Variants in DCHS1 observed in about 807,000 individuals in gnomAD.
DCHS1 encodes the protein protocadherin-16.
In DCHS1, 78 loss-of-function variants were observed where a neutral mutation model predicts 213.9. That is an observed-to-expected ratio of 0.36 (90% CI 0.30 to 0.44). The LOEUF (loss-of-function observed/expected upper bound fraction) is 0.44, where lower values mean the gene tolerates loss of function less well. DCHS1 is among the 20% of genes least tolerant of loss of function. The pLI is 1.00. For missense variants in DCHS1, 3,946 were observed against 4,395.9 expected, an observed-to-expected ratio of 0.90 and a Z score of 2.89; for synonymous variants, 1,828 against 1,873.7, an observed-to-expected ratio of 0.98 and a Z score of 0.63.
In DCHS1 at chr11:6,628,345, G is replaced by C. The variant is rs963743999; in HGVS notation, c.5371+276C>G. Among the ~76,000 whole-genome samples, 1 of 152,264 alleles carries C rather than the reference G, an allele frequency of 6.6e-6. No homozygotes were observed. Among genetic ancestry groups the C allele is most frequent in the South Asian group, 2.1e-4 (1 of 4,824 alleles). On this transcript the variant is annotated intron_variant, in intron 13 of 20. Transcript: ENST00000299441. The surrounding 1 kb of genome is among the most constrained non-coding windows in gnomAD (Gnocchi z 4.3). ...GGTTCTCAAAAATTAAGAGTGTTAA[G>C]GGTTTTTGAGACCAAAAATTTGAGA... is the stretch of plus-strand genomic sequence containing the variant.
rs750109881 is a variant in DCHS1 at position 6,626,221 on chromosome 11, T to C, written c.6524A>G (p.His2175Arg). ...GGACTCAGGAAGGAAGGCCACATAA[T>C]GGGGCCGCAGGAAACGGGGAGCATT... Reference protein sequence around the residue: ...NDNAPRFLRPHYVAFLPESRP... With the variant: ...NDNAPRFLRPRYVAFLPESRP... Residue 2175 changes from histidine to arginine, a missense_variant, in exon 16 of 21, where the codon CAT becomes CGT. Around this residue, in one of 3 missense-constraint regions of DCHS1, gnomAD observed 3,384 missense variants for 3,780.1 expected, o/e 0.90. Coordinates refer to ENST00000299441, the MANE Select transcript of DCHS1 (RefSeq NM_003737.4). This position sits in a 1 kb window ranked among gnomAD's most constrained non-coding sequence, Gnocchi z 5.2. The C allele has an allele frequency of 4.3e-6, 7 of 1,611,670 alleles. No homozygotes were observed. In the South Asian group the frequency reaches 6.6e-5, roughly 15 times the overall value.
At chr11:6,654,773 T>A (rs1589965865) in intron 1 of DCHS1, among the ~76,000 whole-genome samples, 1 of 152,114 alleles carries the variant, frequency 6.6e-6, no homozygotes, top group Non-Finnish European at 1.5e-5. Flanking sequence ...GAAGTTGACA[T>A]AAGCGACAAT....
rs1310113343 is a variant in DCHS1, at chr11:6,640,131, C to A, written c.1483G>T (p.Val495Leu). 1 of 1,613,680 alleles carries A rather than the reference C, an allele frequency of 6.2e-7. No individual in the cohort carries two copies. Among genetic ancestry groups the A allele is most frequent in the Non-Finnish European group, 8.5e-7 (1 of 1,179,754 alleles). ...VALPGSFVVR[V>L]TARDPDQGTN... ...CCTTGGTCAGGATCCCGAGCAGTCACCCGCACTACAAAGCTGCCAGGCAGC... is the reference window on the plus strand; with the variant it reads ...CCTTGGTCAGGATCCCGAGCAGTCAACCGCACTACAAAGCTGCCAGGCAGC... The change falls in exon 2 of 21, where the codon GTG becomes TTG. Residue 495 changes from valine (V) to leucine (L), a missense_variant. Physicochemically the swap from Val to Leu is conservative, Grantham distance 32. Coordinates refer to ENST00000299441, the MANE Select transcript of DCHS1 (RefSeq NM_003737.4). The surrounding 1 kb of genome is among the most constrained non-coding windows in gnomAD (Gnocchi z 6.5).
chr11:6,624,224 C>T lies in DCHS1; in HGVS notation c.7452G>A (p.Leu2484=), dbSNP rs770679962. The change falls in exon 21 of 21, where the codon TTG becomes TTA. Residue 2484 remains leucine, a synonymous_variant. Coordinates refer to ENST00000299441, the MANE Select transcript of DCHS1 (RefSeq NM_003737.4). Reference sequence around the variant, plus strand: ...CAGTCACAGCCACACGGTAGTGTGACAATGTGAAGCTCGGGGCGTGGTCGT... The same window carrying T: ...CAGTCACAGCCACACGGTAGTGTGATAATGTGAAGCTCGGGGCGTGGTCGT... ...DQNDHAPSFT[L]SHYRVAVTED... is the part of the protein sequence containing the mutation. 60 of 1,613,168 alleles carry T rather than the reference C, an allele frequency of 3.7e-5. No homozygotes were observed. Among genetic ancestry groups the T allele is most frequent in the African/African-American group, 6.7e-5 (5 of 74,940 alleles).
At position 6,629,700 on chromosome 11, in the gene DCHS1, G is replaced by A; in HGVS notation, c.5007C>T (p.Leu1669=). The A allele has an allele frequency of 2.5e-6, 4 of 1,613,766 alleles. No homozygotes were observed. The highest frequency in any genetic ancestry group is 1.6e-4 in the Middle Eastern group (1 of 6,062). The change falls in exon 11 of 21, where the codon CTC becomes CTT. Residue 1669 remains leucine (L), a synonymous_variant. Coordinates refer to ENST00000299441, the MANE Select transcript of DCHS1 (RefSeq NM_003737.4). Reference sequence around the variant, plus strand: ...CGTCGGGGTCGGTTGCTCGCAGGGTGAGCAGAGATGTGCCAGGAGGGTTGT... The same window carrying A: ...CGTCGGGGTCGGTTGCTCGCAGGGTAAGCAGAGATGTGCCAGGAGGGTTGT... ...RENNPPGTSL[L]TLRATDPDVG... is the part of the protein sequence containing the mutation.
intron 5 of DCHS1, 74 bp downstream of exon 5, chr11:6,633,338 T>C (rs1481389631): frequency 1.4e-6 from 2 of 1,428,028 alleles, no homozygotes; most frequent in East Asian, 2.5e-5. Flanking sequence ...CTCTAAGGTA[T>C]CTTCGGATGG....
rs776735537 is a variant in DCHS1 at position 6,627,709 on chromosome 11, G to A, written c.5372-42C>T. On this transcript the variant is annotated intron_variant, in intron 13 of 20. Transcript: ENST00000299441. This position sits in a 1 kb window ranked among gnomAD's most constrained non-coding sequence, Gnocchi z 5.4. ...GCACATATAAATATACATGTGTCGTGGGGATGGGGGTGATTTACAGACAAC... is the reference window on the plus strand; with the variant it reads ...GCACATATAAATATACATGTGTCGTAGGGATGGGGGTGATTTACAGACAAC... 3.8e-6 allele frequency: 6 copies of A among 1,574,806 alleles called. No individual in the cohort carries two copies. The highest frequency in any genetic ancestry group is 1.1e-5 in the South Asian group (1 of 87,102).
intron 1 of DCHS1, among the ~76,000 whole-genome samples, chr11:6,647,885 G>T (rs916282295): frequency 6.6e-6 from 1 of 152,172 alleles, no homozygotes; most frequent in Non-Finnish European, 1.5e-5. Flanking sequence ...GAGGCCTCTG[G>T]GAGAGTCCAG....
In DCHS1 at chr11:6,624,242, G is replaced by A. The variant is rs764179963; in HGVS notation, c.7434C>T (p.His2478=). The A allele has an allele frequency of 1.5e-5, 24 of 1,612,616 alleles. No individual in the cohort carries two copies. Among genetic ancestry groups the A allele is most frequent in the African/African-American group, 4.0e-5 (3 of 74,942 alleles). ...AGTGTGACAATGTGAAGCTCGGGGC[G>A]TGGTCGTTCTGGTCCTGCAGCTGCA... The part of the protein sequence containing the change: ...VHVQLQDQND[H]APSFTLSHYR... The change falls in exon 21 of 21, where the codon CAC becomes CAT. Residue 2478 remains histidine, a synonymous_variant. Coordinates refer to ENST00000299441, the MANE Select transcript of DCHS1 (RefSeq NM_003737.4).
At chr11:6,655,442 C>T (rs1030211452) in intron 1 of DCHS1, 121 bp downstream of exon 1, 61 of 645,920 alleles carry the variant, frequency 9.4e-5, no homozygotes, top group East Asian at 8.2e-4. Flanking sequence ...CAGGCCCCCC[C>T]TCCCCCATTG....
rs1365986383 is a variant in DCHS1, at chr11:6,623,565, G to A, written c.8111C>T (p.Pro2704Leu). The A allele has an allele frequency of 6.2e-7, 1 of 1,613,226 alleles. No individual in the cohort carries two copies. Among genetic ancestry groups the A allele is most frequent in the Admixed American group, 1.7e-5 (1 of 59,896 alleles). ...IEVQDVNDHGPAFPLNLLSTS... is the reference protein window; with the variant it reads ...IEVQDVNDHGLAFPLNLLSTS... ...GCTGAGTAAGTTCAGTGGGAAGGCT[G>A]GGCCATGATCATTCACATCCTGGAC... The change falls in exon 21 of 21, where the codon CCA becomes CTA. Residue 2704 changes from proline to leucine, a missense_variant. Physicochemically the swap from Pro to Leu is moderately conservative, Grantham distance 98 (BLOSUM62 -3). Transcript: ENST00000299441.
rs1404799620 is a variant in DCHS1, at chr11:6,622,049, G to A, written c.9627C>T (p.Ala3209=). 1 of 1,612,696 alleles carries A rather than the reference G, an allele frequency of 6.2e-7. No homozygotes were observed. The highest frequency in any genetic ancestry group is 1.7e-5 in the Admixed American group (1 of 59,990). The change falls in exon 21 of 21, where the codon GCC becomes GCT. Residue 3209 remains alanine, a synonymous_variant. Transcript: ENST00000299441. This position sits in a 1 kb window ranked among gnomAD's most constrained non-coding sequence, Gnocchi z 5.4. Reference sequence around the variant, plus strand: ...GGGGCACAGACTTGGCTCCTGGGTGGGCCACGGCAGTGATGAGGGGTGGTG... The same window carrying A: ...GGGGCACAGACTTGGCTCCTGGGTGAGCCACGGCAGTGATGAGGGGTGGTG... The part of the protein sequence containing the change: ...IDPPPLITAV[A]HPGAKSVPPK...
intron 4 of DCHS1, 31 bp downstream of exon 4, chr11:6,633,758 G>C: frequency 6.2e-7 from 1 of 1,605,758 alleles, no homozygotes. Flanking sequence ...GGGGACCTGG[G>C]GGAAGGCCCC....
At position 6,626,300 on chromosome 11, in the gene DCHS1, C is replaced by G. The variant is rs1375610244; in HGVS notation, c.6445G>C (p.Gly2149Arg). Residue 2149 changes from glycine (G) to arginine (R), a missense_variant, in exon 16 of 21, where the codon GGA (glycine) becomes CGA (arginine). By Grantham distance (125) the Gly-to-Arg change is moderately radical. This residue lies in a region of DCHS1 where 3,384 missense variants were observed against 3,780.1 expected (regional missense o/e 0.90). Coordinates refer to ENST00000299441, the MANE Select transcript of DCHS1 (RefSeq NM_003737.4). This position sits in a 1 kb window ranked among gnomAD's most constrained non-coding sequence, Gnocchi z 5.2. ...RLRLVLQAES[G>R]GAFAFTVLTL... ...AGCACAGTGAAGGCAAAGGCTCCTC[C>G]ACTCTCTGCCTGCAGCACCAGTCGC... 1 of 1,613,388 alleles carries G rather than the reference C, an allele frequency of 6.2e-7. No individual in the cohort carries two copies. Among genetic ancestry groups the G allele is most frequent in the Non-Finnish European group, 8.5e-7 (1 of 1,179,648 alleles).
rs752837087 is a variant in DCHS1, at chr11:6,632,535, T to C, written c.2977A>G (p.Thr993Ala). Reference sequence around the variant, plus strand: ...TTGAATCGGGGAGCCAGCCCACGGGTTCCCACATCCTGTACCACCACCCGT... The same window carrying C: ...TTGAATCGGGGAGCCAGCCCACGGGCTCCCACATCCTGTACCACCACCCGT... ...RLRVVVQDVG[T>A]RGLAPRFNSP... The change falls in exon 6 of 21, where the codon ACC becomes GCC. Residue 993 changes from threonine to alanine, a missense_variant. Thr to Ala is a moderately conservative substitution (Grantham distance 58). Coordinates refer to ENST00000299441, the MANE Select transcript of DCHS1 (RefSeq NM_003737.4). This position sits in a 1 kb window ranked among gnomAD's most constrained non-coding sequence, Gnocchi z 5.9. 4.6e-6 allele frequency: 7 copies of C among 1,532,704 alleles called. No homozygotes were observed. In the Admixed American group the frequency reaches 1.4e-4, roughly 30 times the overall value. The allele number at this position is 1,532,704 out of a possible 1,614,324, so 94.9% of individuals were successfully genotyped here.
In DCHS1 at chr11:6,634,316, G is replaced by A. The variant is rs577182515; in HGVS notation, c.1798-10C>T. The A allele has an allele frequency of 8.1e-5, 128 of 1,577,210 alleles. 1 individual carries two copies. In the South Asian group the frequency reaches 1.3e-3, roughly 16 times the overall value. On this transcript the variant is annotated splice_polypyrimidine_tract_variant and intron_variant, in intron 2 of 20. Coordinates refer to ENST00000299441, the MANE Select transcript of DCHS1 (RefSeq NM_003737.4). ...CGTCTGTGGCTGTCACCTAGGGAGA[G>A]GCTGGGGTGAGTGGTGTCCCCTCTT...
chr11:6,621,730 G>C lies in DCHS1; in HGVS notation c.*49C>G. ...AGGGCAGGCTCAGAGTGGGGCCTGCGTTGGGGACACTGTGCGCATCCCAGG... is the reference window on the plus strand; with the variant it reads ...AGGGCAGGCTCAGAGTGGGGCCTGCCTTGGGGACACTGTGCGCATCCCAGG... On this transcript the variant is annotated 3_prime_UTR_variant, in exon 21 of 21. Coordinates refer to ENST00000299441, the MANE Select transcript of DCHS1 (RefSeq NM_003737.4). The C allele has an allele frequency of 6.5e-7, 1 of 1,539,916 alleles. No homozygotes were observed. Among genetic ancestry groups the C allele is most frequent in the Non-Finnish European group, 8.7e-7 (1 of 1,144,032 alleles).
At chr11:6,633,756 G>T (rs771739404) in intron 4 of DCHS1, 33 bp downstream of exon 4, 1 of 1,603,784 alleles carries the variant, frequency 6.2e-7, no homozygotes, top group Non-Finnish European at 8.5e-7. Flanking sequence ...AGGGGGACCT[G>T]GGGGAAGGCC....
In DCHS1 at chr11:6,641,669, C is replaced by T. The variant is rs1856077960; in HGVS notation, c.-56G>A. 1 of 1,482,476 alleles carries T rather than the reference C, an allele frequency of 6.7e-7. No individual in the cohort carries two copies. Among genetic ancestry groups the T allele is most frequent in the Admixed American group, 2.3e-5 (1 of 43,836 alleles). 91.8% of individuals were successfully genotyped at this position (1,482,476 alleles called of 1,614,324 possible). A position where few individuals can be genotyped will look rare whatever the true frequency, so the allele number is the denominator to read the frequency against. ...CCAGCTCCAGGCCAGGCTCTGGGCC[C>T]AGCTTGACCTCAGACTTTGGGTCAG... is the stretch of plus-strand genomic sequence containing the variant. On this transcript the variant is annotated 5_prime_UTR_variant, in exon 2 of 21. Transcript: ENST00000299441. The surrounding 1 kb of genome is among the most constrained non-coding windows in gnomAD (Gnocchi z 7.1).
Sources: allele counts gnomAD v4.1 joint callset (sites outside exome capture counted in the v4.1 genomes callset), GRCh38; gene constraint gnomAD v4.1.1; regional missense constraint gnomAD v4.1.1; non-coding constraint Gnocchi (gnomAD v3.1); transcripts MANE v1.5; gene names NCBI Gene and HGNC (gene_info 2026-07-23, HGNC 2026-07-21).